GNG2: variants seen among roughly 807,000 people sequenced by gnomAD.
GNG2 encodes guanine nucleotide-binding protein G(I)/G(S)/G(O) subunit gamma-2.
GNG2 carries 5 observed loss-of-function variants against 5.5 expected under a neutral mutation model. That is an observed-to-expected ratio of 0.91 (90% CI 0.48 to 1.92). GNG2 has a LOEUF of 1.92. Ranked by LOEUF, GNG2 falls within the 30% of genes most tolerant of loss-of-function variation. The pLI is 0.01. For synonymous variants in GNG2, 28 were observed against 32.0 expected (o/e 0.88, Z 0.42); for missense variants, 55 against 88.4 (o/e 0.62, Z 1.52).
At chr14:51,837,338 C>A (rs1881359187) in intron 2 of GNG2, among the ~76,000 whole-genome samples, 1 of 151,898 alleles carries the variant, frequency 6.6e-6, no homozygotes, top group Non-Finnish European at 1.5e-5. Context: ...TAATTATTGC[C>A]AGATACAAAA....
At chr14:51,835,054 C>G (rs990756442) in intron 2 of GNG2, among the ~76,000 whole-genome samples, 2 of 152,118 alleles carry the variant, frequency 1.3e-5, no homozygotes, top group African/African-American at 4.8e-5. Flanking sequence ...GAATTAGGCT[C>G]CAGAGAGTGG....
intron 2 of GNG2, among the ~76,000 whole-genome samples, chr14:51,935,598 A>G (rs1303226985): frequency 6.6e-6 from 1 of 152,226 alleles, no homozygotes. Context: ...GCATCTAGCC[A>G]GGTGTCTTAA....
intron 2 of GNG2, chr14:51,913,011 A>G (rs1266405334): frequency 6.6e-6 from 1 of 152,134 alleles, no homozygotes; most frequent in Non-Finnish European, 1.5e-5. Context: ...TTTCAAAGGG[A>G]TGATACTGTG....
At chr14:51,936,081 G>T (rs967971665) in intron 2 of GNG2, among the ~76,000 whole-genome samples, 1 of 152,056 alleles carries the variant, frequency 6.6e-6, no homozygotes, top group African/African-American at 2.4e-5. Context: ...TCCAGGGACC[G>T]CCAGAACTGG....
intron 1 of GNG2, among the ~76,000 whole-genome samples, chr14:51,876,236 G>T (rs952582616): frequency 6.6e-6 from 1 of 151,890 alleles, no homozygotes; most frequent in African/African-American, 2.4e-5. Flanking sequence ...ACTGCACCTG[G>T]CCCGTTTAAA....
At position 51,842,383 on chromosome 14, in the gene GNG2, A is replaced by C. The variant is rs1881507255; in HGVS notation, c.64+14576A>C. ...CAGTTCATTTGTTTCTTCTTTCTAC[A>C]GCCTGTAGAGCTGTCCAAGTTGTGC... On this transcript the variant is annotated intron_variant, in intron 2 of 3. Transcript: ENST00000553432. Among the ~76,000 whole-genome samples the C allele has an allele frequency of 2.6e-5, 4 of 152,340 alleles. No homozygotes were observed. In the South Asian group the frequency reaches 8.3e-4, roughly 32 times the overall value.
At chr14:51,888,701 A>C (rs923201016) in intron 2 of GNG2, among the ~76,000 whole-genome samples, 1 of 152,186 alleles carries the variant, frequency 6.6e-6, no homozygotes, top group Non-Finnish European at 1.5e-5. Flanking sequence ...GCAGTTTACA[A>C]GAATTGGGTA....
At chr14:51,956,727 C>A (rs1316914259) in intron 3 of GNG2, among the ~76,000 whole-genome samples, 1 of 152,168 alleles carries the variant, frequency 6.6e-6, no homozygotes, top group Non-Finnish European at 1.5e-5. Flanking sequence ...CAGGCAATTT[C>A]CCGTGTGTAT....
chr14:51,933,503 G>A (rs1182060164), intron 2 of GNG2, among the ~76,000 whole-genome samples: 1 of 152,160 alleles, frequency 6.6e-6, no homozygotes, highest in African/African-American at 2.4e-5. Context: ...TTTTGTTGTT[G>A]TTGCTTTTTA....
At chr14:51,836,447 T>C (rs983725525) in intron 2 of GNG2, among the ~76,000 whole-genome samples, 1 of 152,200 alleles carries the variant, frequency 6.6e-6, no homozygotes, top group Non-Finnish European at 1.5e-5. Flanking sequence ...AACATAAGAA[T>C]ATATATTATG....
chr14:51,931,811 T>C (rs747378858), intron 2 of GNG2, among the ~76,000 whole-genome samples: 32 of 152,166 alleles, frequency 2.1e-4, no homozygotes, highest in Non-Finnish European at 4.0e-4. Context: ...GAACATATGA[T>C]TCAGCAATGC....
intron 2 of GNG2, among the ~76,000 whole-genome samples, chr14:51,916,774 G>A (rs576938357): frequency 1.3e-5 from 2 of 152,234 alleles, no homozygotes; most frequent in East Asian, 3.9e-4. Flanking sequence ...AGGGTTCCAG[G>A]GCCATTTGCC....
chr14:51,883,931 C>A (rs776164970), intron 2 of GNG2, among the ~76,000 whole-genome samples: 5 of 151,596 alleles, frequency 3.3e-5, no homozygotes, highest in Non-Finnish European at 5.9e-5. Context: ...GAAATTCATG[C>A]AGAAAAAAAC....
At chr14:51,926,127 G>A (rs1049635255) in intron 2 of GNG2, among the ~76,000 whole-genome samples, 1 of 151,160 alleles carries the variant, frequency 6.6e-6, no homozygotes, top group East Asian at 1.9e-4. Context: ...TAAAAAAATT[G>A]TCCACTTTAA....
At chr14:51,925,946 G>A (rs1165951010) in intron 2 of GNG2, among the ~76,000 whole-genome samples, 1 of 152,042 alleles carries the variant, frequency 6.6e-6, no homozygotes, top group Non-Finnish European at 1.5e-5. Context: ...TACTTGGAGA[G>A]GTGAGGATGA....
At chr14:51,881,594 T>G (rs1884075513) in intron 2 of GNG2, among the ~76,000 whole-genome samples, 1 of 152,156 alleles carries the variant, frequency 6.6e-6, no homozygotes, top group Non-Finnish European at 1.5e-5. Context: ...TTTGAGAATT[T>G]TATTCTCTAA....
At chr14:51,943,814 A>G (rs1888489136) in intron 2 of GNG2, among the ~76,000 whole-genome samples, 1 of 152,242 alleles carries the variant, frequency 6.6e-6, no homozygotes, top group Non-Finnish European at 1.5e-5. Context: ...ATGGAAAAAG[A>G]CATCTCATGT....
rs186734637 is a variant in GNG2 at position 51,875,290 on chromosome 14, C to T, written c.-70-2327C>T. ...CTTGTCACAAAGGCTCTGCTATAAC[C>T]GGCAGGATGGAAGAAGTTGGAAGGG... is the stretch of plus-strand genomic sequence containing the variant. On this transcript the variant is annotated intron_variant, in intron 1 of 3. Transcript: ENST00000556766. Among the ~76,000 whole-genome samples, 413 of 152,278 alleles carry T rather than the reference C, an allele frequency of 2.7e-3. 2 individuals carry two copies. The highest frequency in any genetic ancestry group is 9.5e-3 in the African/African-American group (393 of 41,552).
intron 1 of GNG2, chr14:51,827,542 G>A (rs1243255693): frequency 5.2e-6 from 3 of 582,008 alleles, no homozygotes; most frequent in South Asian, 4.0e-5. Flanking sequence ...AAAGCTAGGA[G>A]TGGTATTTTT....
Sources: gnomAD v4.1 joint callset for allele counts (sites outside exome capture counted in the v4.1 genomes callset) on GRCh38, gnomAD v4.1.1 for gene constraint, MANE v1.5 for transcripts, NCBI Gene and HGNC (gene_info 2026-07-23, HGNC 2026-07-21) for gene names.